The following ABCC8 variants were observed in gnomAD, a reference collection of about 807,000 sequenced individuals.
ABCC8 encodes ATP-binding cassette sub-family C member 8.
ABCC8 carries 137 observed loss-of-function variants against 188.0 expected under a neutral mutation model. That is an observed-to-expected ratio of 0.73 (90% CI 0.63 to 0.84). The LOEUF (loss-of-function observed/expected upper bound fraction) is 0.84. Among genes scored for constraint, ABCC8 ranks in the 40% least tolerant of loss-of-function variants. ABCC8 has a pLI of 0.00. For synonymous variants in ABCC8, 797 were observed against 846.5 expected (o/e 0.94, Z 1.01); for missense variants, 1,750 against 2,072.7 (o/e 0.84, Z 3.02).
At chr11:17,425,480 CCTT>C (rs1202953664) in intron 16 of ABCC8, among the ~76,000 whole-genome samples, 4 of 151,888 alleles carry the variant, frequency 2.6e-5, no homozygotes, top group Admixed American at 1.3e-4. Context: ...GAAAGCTTGC[CCTT>C]CTGCTGATTG....
At chr11:17,419,739 G>A (rs768782657) in intron 16 of ABCC8, among the ~76,000 whole-genome samples, 1 of 152,218 alleles carries the variant, frequency 6.6e-6, no homozygotes, top group Non-Finnish European at 1.5e-5. Context: ...GGATTGAGAC[G>A]GTGGAGGTGA....
intron 10 of ABCC8, among the ~76,000 whole-genome samples, chr11:17,442,346 A>T (rs943667085): frequency 6.6e-6 from 1 of 152,174 alleles, no homozygotes; most frequent in Non-Finnish European, 1.5e-5. Context: ...GCTCAGTCTG[A>T]CTTACTAAAA....
chr11:17,443,429 T>C (rs1331446955), intron 8 of ABCC8, 117 bp from the exon 9 acceptor site: 1 of 1,568,430 alleles, frequency 6.4e-7, no homozygotes. Context: ...GGTGCCCAGG[T>C]TTCCAAATTA....
chr11:17,448,372 C>A, intron 8 of ABCC8, 144 bp downstream of exon 8: 1 of 747,136 alleles, frequency 1.3e-6, no homozygotes, highest in South Asian at 1.5e-5. Context: ...CCCAGAGGTA[C>A]AGCCTGTGGT....
chr11:17,440,630 T>C lies in ABCC8; in HGVS notation c.1630+2090A>G, dbSNP rs77612958. Reference sequence around the variant, plus strand: ...TGCTCACAGCTCCATTCTGAGAAAATCAAATGCTAGCAGGACTTTCTGCAT... The same window carrying C: ...TGCTCACAGCTCCATTCTGAGAAAACCAAATGCTAGCAGGACTTTCTGCAT... On this transcript the variant is annotated intron_variant, in intron 10 of 38. Transcript: ENST00000389817. Among the ~76,000 whole-genome samples, 85 of 152,202 alleles carry C rather than the reference T, an allele frequency of 5.6e-4. 2 individuals carry two copies. In the East Asian group the frequency reaches 0.016, roughly 29 times the overall value.
rs558918242 is a variant in ABCC8 at position 17,473,187 on chromosome 11, G to C, written c.290+1699C>G. Among the ~76,000 whole-genome samples the C allele has an allele frequency of 5.7e-4, 87 of 152,050 alleles. 1 individual carries two copies. The South Asian group carries it at 0.018, about 31-fold the overall frequency. ...AGGTCTTCCTTCTCCAAGGGCGGAG[G>C]TGTCTTTCTCTGTCACCATCTGGTG... On this transcript the variant is annotated intron_variant, in intron 2 of 38. Transcript: ENST00000389817.
At chr11:17,409,075 C>G (rs1198533764) in intron 22 of ABCC8, among the ~76,000 whole-genome samples, 1 of 151,262 alleles carries the variant, frequency 6.6e-6, no homozygotes, top group Admixed American at 6.6e-5. Flanking sequence ...GCCTCAGCCT[C>G]CTGAGTAGCT....
At chr11:17,395,746 G>A (rs768796891) in intron 34 of ABCC8, 28 bp from the exon 35 acceptor site, 6 of 1,552,348 alleles carry the variant, frequency 3.9e-6, no homozygotes, top group African/African-American at 1.4e-5. Flanking sequence ...AGGGTGCAGG[G>A]GAAGGCGGTG....
rs764345467 is a variant in ABCC8, at chr11:17,461,863, A to G, written c.580-38T>C. The stretch of plus-strand genomic sequence containing the variant: ...TGGGCCATGGGGGATGGGTAAGTCC[A>G]ACTTCTCACCACTCCCTACCTTGCC... On this transcript the variant is annotated intron_variant, in intron 4 of 38. Coordinates refer to ENST00000389817, the MANE Select transcript of ABCC8 (RefSeq NM_000352.6). The G allele has an allele frequency of 6.2e-6, 10 of 1,611,924 alleles. No homozygotes were observed. The African/African-American group carries it at 1.1e-4, about 17-fold the overall frequency.
chr11:17,428,603 G>A lies in ABCC8; in HGVS notation c.1885C>T (p.Pro629Ser), dbSNP rs1328637200. Residue 629 changes from proline to serine, a missense_variant, in exon 13 of 39, where the codon CCC (proline) becomes TCC (serine). Pro to Ser is a moderately conservative substitution (Grantham distance 74). Transcript: ENST00000389817. ...TTGCTGGCTGGGCCCTGAGGTGTGG[G>A]CTCATGGGGGGCACACTGCTCCTCA... ...IREEQCAPHEPTPQGPASKYQ... is the reference protein window; with the variant it reads ...IREEQCAPHESTPQGPASKYQ... 2 of 1,613,976 alleles carry A rather than the reference G, an allele frequency of 1.2e-6. No homozygotes were observed. Among genetic ancestry groups the A allele is most frequent in the African/African-American group, 1.3e-5 (1 of 74,946 alleles).
rs964042944 is a variant in ABCC8 at position 17,454,020 on chromosome 11, A to G, written c.1012-737T>C. Among the ~76,000 whole-genome samples, 13 of 152,322 alleles carry G rather than the reference A, an allele frequency of 8.5e-5. No homozygotes were observed. The South Asian group carries it at 2.7e-3, about 32-fold the overall frequency. On this transcript the variant is annotated intron_variant, in intron 6 of 38. Transcript: ENST00000389817. ...ATCAATAACTCCCAGGAAAACTTTG[A>G]TCTTGATAAATCCATTGCTCCCCAG...
rs1491382729 is a variant in ABCC8, at chr11:17,434,982, C to CGTGTGT, written c.1631-2739_1631-2738insACACAC. Among the ~76,000 whole-genome samples the CGTGTGT allele has an allele frequency of 2.6e-3, 166 of 62,752 alleles. 2 individuals carry two copies. Among genetic ancestry groups the CGTGTGT allele is most frequent in the African/African-American group, 7.7e-3 (150 of 19,530 alleles). The allele number at this position is 62,752 out of a possible 152,430, so 41.2% of individuals were successfully genotyped here. A position where few individuals can be genotyped will look rare whatever the true frequency, so the allele number is the denominator to read the frequency against. ...AGTAGAATCATCAGCTGCGTGTGTT[C>CGTGTGT]GCGTGTGTGTGTGTGTGTGTGTGTG... On this transcript the variant is annotated intron_variant, in intron 10 of 38. Coordinates refer to ENST00000389817, the MANE Select transcript of ABCC8 (RefSeq NM_000352.6).
intron 6 of ABCC8, among the ~76,000 whole-genome samples, chr11:17,458,115 G>A (rs1251343834): frequency 6.6e-6 from 1 of 152,192 alleles, no homozygotes; most frequent in Non-Finnish European, 1.5e-5. Flanking sequence ...CCACATGATG[G>A]AGAGTTCTTT....
chr11:17,409,246 C>T (rs570612996), intron 22 of ABCC8, among the ~76,000 whole-genome samples: 5 of 152,128 alleles, frequency 3.3e-5, no homozygotes, highest in East Asian at 1.9e-4. Flanking sequence ...CATTAGCCAC[C>T]GCGCCCGGCT....
chr11:17,417,747 T>TTCTC (rs149336933), intron 16 of ABCC8, among the ~76,000 whole-genome samples: 6 of 149,870 alleles, frequency 4.0e-5, no homozygotes, highest in South Asian at 2.1e-4. Flanking sequence ...TAGTAGTATT[T>TTCTC]TCTCTCTCTC....
rs546213575 is a variant in ABCC8, at chr11:17,404,184, A to G, written c.3557+328T>C. On this transcript the variant is annotated intron_variant, in intron 28 of 38. Coordinates refer to ENST00000389817, the MANE Select transcript of ABCC8 (RefSeq NM_000352.6). This position sits in a 1 kb window ranked among gnomAD's most constrained non-coding sequence, Gnocchi z 4.7. ...TGCATCAGCAATCAGCCTGACCACT[A>G]GAATGATGCAACCCTCCTGGGAAGC... 3.3e-4 allele frequency among the ~76,000 whole-genome samples: 50 copies of G among 152,320 alleles called. No homozygotes were observed. Among genetic ancestry groups the G allele is most frequent in the Non-Finnish European group, 6.2e-4 (42 of 68,034 alleles).
At chr11:17,451,744 A>G (rs1212631183) in intron 7 of ABCC8, among the ~76,000 whole-genome samples, 4 of 152,244 alleles carry the variant, frequency 2.6e-5, no homozygotes, top group Non-Finnish European at 4.4e-5. Flanking sequence ...TTGCACAGAG[A>G]ATTTCTAGCA....
At chr11:17,469,033 G>C (rs907301397) in intron 3 of ABCC8, among the ~76,000 whole-genome samples, 2 of 149,854 alleles carry the variant, frequency 1.3e-5, no homozygotes, top group African/African-American at 4.9e-5. Context: ...CCTCATCCAG[G>C]CTCAAGCTTT....
chr11:17,404,421 G>C lies in ABCC8; in HGVS notation c.3557+91C>G. 7.6e-7 allele frequency: 1 copy of C among 1,318,062 alleles called. No individual in the cohort carries two copies. Among genetic ancestry groups the C allele is most frequent in the East Asian group, 2.3e-5 (1 of 43,278 alleles). 81.6% of individuals were successfully genotyped at this position (1,318,062 alleles called of 1,614,324 possible). ...TGTTTTTATTTTTTGGAGGGAACAC[G>C]ACCCTATTACTCTCATAACGATGAG... On this transcript the variant is annotated intron_variant, in intron 28 of 38. Transcript: ENST00000389817. This position sits in a 1 kb window ranked among gnomAD's most constrained non-coding sequence, Gnocchi z 4.7.
Sources: gnomAD v4.1 joint callset for allele counts (sites outside exome capture counted in the v4.1 genomes callset) on GRCh38, gnomAD v4.1.1 for gene constraint, Gnocchi (gnomAD v3.1) non-coding constraint, MANE v1.5 for transcripts, NCBI Gene and HGNC (gene_info 2026-07-23, HGNC 2026-07-21) for gene names.